The following CELSR3 variants were observed in gnomAD, a reference collection of about 807,000 sequenced individuals.
CELSR3 encodes the protein cadherin EGF LAG seven-pass G-type receptor 3.
CELSR3 carries 73 observed loss-of-function variants against 270.0 expected under a neutral mutation model. The observed-to-expected ratio is 0.27, with a 90% CI of 0.22 to 0.33. The LOEUF is 0.33. Among genes scored for constraint, CELSR3 ranks in the 10% least tolerant of loss-of-function variants. The pLI, the probability that CELSR3 is intolerant of heterozygous loss-of-function variation, is 1.00. For synonymous variants in CELSR3, 1,780 were observed against 1,905.4 expected, an observed-to-expected ratio of 0.93 and a Z score of 1.71; for missense variants, 3,614 against 4,533.8, an observed-to-expected ratio of 0.80 and a Z score of 5.83.
rs1305308833 is a variant in CELSR3, at chr3:48,654,642, T to C, written c.4989-190A>G. The stretch of plus-strand genomic sequence containing the variant: ...CAAAGGGGCACCCGTGATGGGCCGA[T>C]GGTCTGGGGAAAGGTAGGTGAATGG... On this transcript the variant is annotated intron_variant, in intron 6 of 34. Transcript: ENST00000164024. The surrounding 1 kb of genome is among the most constrained non-coding windows in gnomAD (Gnocchi z 5.4). Among the ~76,000 whole-genome samples the C allele has an allele frequency of 2.0e-5, 3 of 151,082 alleles. No homozygotes were observed. Among genetic ancestry groups the C allele is most frequent in the East Asian group, 1.9e-4 (1 of 5,172 alleles).
intron 28 of CELSR3, 45 bp downstream of exon 28, chr3:48,643,509 G>A: frequency 6.5e-7 from 1 of 1,540,036 alleles, no homozygotes; most frequent in Non-Finnish European, 8.8e-7. Context: ...CCAGCCTACT[G>A]AAGGCCCACC....
chr3:48,640,036 G>A lies in CELSR3; in HGVS notation c.9549C>T (p.Asp3183=), dbSNP rs377412447. 12 of 1,611,210 alleles carry A rather than the reference G, an allele frequency of 7.4e-6. No individual in the cohort carries two copies. The African/African-American group carries it at 1.2e-4, about 16-fold the overall frequency. ...PLSPQRQLSR[D]PLLPSRPLDS... ...CCAGCGGCCGGGATGGCAAGAGGGG[G>A]TCCCTTGAGAGTTGCCGCTGGGGAG... The change falls in exon 34 of 35, where the codon GAC becomes GAT. Residue 3183 remains aspartate (D), a synonymous_variant. Coordinates refer to ENST00000164024, the MANE Select transcript of CELSR3 (RefSeq NM_001407.3). This position sits in a 1 kb window ranked among gnomAD's most constrained non-coding sequence, Gnocchi z 7.5.
Position 48,638,110 on chromosome 3 carries a change from G to T in CELSR3, c.*95C>A. The T allele has an allele frequency of 2.7e-6, 3 of 1,106,276 alleles. No individual in the cohort carries two copies. The highest frequency in any genetic ancestry group is 2.8e-6 in the Non-Finnish European group (2 of 723,140). 68.5% of individuals were successfully genotyped at this position (1,106,276 alleles called of 1,614,324 possible). On this transcript the variant is annotated 3_prime_UTR_variant, in exon 35 of 35. Coordinates refer to ENST00000164024, the MANE Select transcript of CELSR3 (RefSeq NM_001407.3). The stretch of plus-strand genomic sequence containing the variant: ...GGGCACCCACCACTGGGGAGCAGGA[G>T]GCTGCCTTGGGATCTGCCCCCACTC...
intron 28 of CELSR3, 155 bp from the exon 29 acceptor site, chr3:48,643,238 C>A: frequency 1.6e-6 from 1 of 640,308 alleles, no homozygotes; most frequent in Non-Finnish European, 2.7e-6. Flanking sequence ...GGAAGGTCAG[C>A]AGGGGAGAGG....
Position 48,644,650 on chromosome 3 carries a change from CCACTG to C in CELSR3, c.8085+61_8085+65del. ...GCCACCTGACCGCCCTCAGCTGAGT[CCACTG>C]CACCTCCTCCCCCAATGAGGGAGGG... On this transcript the variant is annotated intron_variant, in intron 26 of 34. Transcript: ENST00000164024. The surrounding 1 kb of genome is among the most constrained non-coding windows in gnomAD (Gnocchi z 4.8). The C allele has an allele frequency of 5.3e-6, 7 of 1,320,028 alleles. No homozygotes were observed. The South Asian group carries it at 8.4e-5, about 16-fold the overall frequency. 81.8% of individuals were successfully genotyped at this position (1,320,028 alleles called of 1,614,324 possible). A position where few individuals can be genotyped will look rare whatever the true frequency, so the allele number is the denominator to read the frequency against.
At chr3:48,648,238 G>GGCCCCCCCCCC in intron 19 of CELSR3, 28 bp downstream of exon 19, 4 of 1,342,620 alleles carry the variant, frequency 3.0e-6, no homozygotes, top group Non-Finnish European at 4.2e-6. Flanking sequence ...CCCCTGCTGT[G>GGCCCCCCCCCC]CCCCGCCCTA....
Position 48,641,076 on chromosome 3 carries a change from G to A in CELSR3, c.9025+248C>T, listed in dbSNP as rs1488399206. On this transcript the variant is annotated intron_variant, in intron 33 of 34. Transcript: ENST00000164024. The surrounding 1 kb of genome is among the most constrained non-coding windows in gnomAD (Gnocchi z 4.8). ...CTCCTAGGGTCTCTGAAAAACAGAT[G>A]GGCTGGGGCAGGAGTGGTCGCCTGT... is the stretch of plus-strand genomic sequence containing the variant. The A allele has an allele frequency of 1.1e-5, 6 of 523,514 alleles. No individual in the cohort carries two copies. Among genetic ancestry groups the A allele is most frequent in the African/African-American group, 7.7e-5 (4 of 51,728 alleles). The allele number at this position is 523,514 out of a possible 1,614,324, so 32.4% of individuals were successfully genotyped here.
Position 48,653,838 on chromosome 3 carries a change from C to A in CELSR3, c.5278+40G>T. 2 of 1,612,268 alleles carry A rather than the reference C, an allele frequency of 1.2e-6. No individual in the cohort carries two copies. Among genetic ancestry groups the A allele is most frequent in the Non-Finnish European group, 1.7e-6 (2 of 1,178,516 alleles). ...TACAGCCCCTGCCCCAGGAACAGATCTGACCCTGCAGGCCCCTCTGCCCCA... is the reference window on the plus strand; with the variant it reads ...TACAGCCCCTGCCCCAGGAACAGATATGACCCTGCAGGCCCCTCTGCCCCA... On this transcript the variant is annotated intron_variant, in intron 8 of 34. Transcript: ENST00000164024. The surrounding 1 kb of genome is among the most constrained non-coding windows in gnomAD (Gnocchi z 6.5).
chr3:48,656,311 C>A lies in CELSR3; in HGVS notation c.4454G>T (p.Arg1485Leu). 1 of 1,486,848 alleles carries A rather than the reference C, an allele frequency of 6.7e-7. No individual in the cohort carries two copies. The highest frequency in any genetic ancestry group is 1.3e-5 in the South Asian group (1 of 76,894). The allele number at this position is 1,486,848 out of a possible 1,614,324, so 92.1% of individuals were successfully genotyped here. A position where few individuals can be genotyped will look rare whatever the true frequency, so the allele number is the denominator to read the frequency against. Reference sequence around the variant, plus strand: ...CGCGTCGGTGCAGGTGCCCCCGTTGCGGCAGACGCCCGGCACGCAGCGGCC... The same window carrying A: ...CGCGTCGGTGCAGGTGCCCCCGTTGAGGCAGACGCCCGGCACGCAGCGGCC... Reference protein sequence around the residue: ...EAGRCVPGVCRNGGTCTDAPN... With the variant: ...EAGRCVPGVCLNGGTCTDAPN... Residue 1485 changes from arginine (R) to leucine (L), a missense_variant, in exon 3 of 35, where the codon CGC becomes CTC. This residue lies in a region of CELSR3 where 1,331 missense variants were observed against 1,933.7 expected (regional missense o/e 0.69). Transcript: ENST00000164024.
Position 48,646,665 on chromosome 3 carries a change from C to T in CELSR3, c.7295+98G>A. ...GGATGGGGCTCCCTGGAGCTGTGCT[C>T]CTCTCTGTGTGTTGTGAACCTACGC... On this transcript the variant is annotated intron_variant, in intron 21 of 34. Transcript: ENST00000164024. The surrounding 1 kb of genome is among the most constrained non-coding windows in gnomAD (Gnocchi z 4.8). The T allele has an allele frequency of 7.2e-6, 9 of 1,252,256 alleles. No homozygotes were observed. In the South Asian group the frequency reaches 1.3e-4, roughly 18 times the overall value. 77.6% of individuals were successfully genotyped at this position (1,252,256 alleles called of 1,614,324 possible).
intron 19 of CELSR3, 130 bp from the exon 20 acceptor site, chr3:48,648,126 T>C (rs895094569): frequency 6.9e-7 from 1 of 1,440,472 alleles, no homozygotes; most frequent in African/African-American, 1.4e-5. Flanking sequence ...TCGGAGCCTG[T>C]CCCTACAAAA....
rs1485582590 is a variant in CELSR3, at chr3:48,656,446, G to A, written c.4400-81C>T. The A allele has an allele frequency of 4.6e-6, 6 of 1,295,224 alleles. No homozygotes were observed. The East Asian group carries it at 1.5e-4, about 32-fold the overall frequency. 80.2% of individuals were successfully genotyped at this position (1,295,224 alleles called of 1,614,324 possible). ...CCCCTTCAAAGACCGCGCGCCCAGAGGCCGGGTGCCAAGACCCCCGAAAGG... is the reference window on the plus strand; with the variant it reads ...CCCCTTCAAAGACCGCGCGCCCAGAAGCCGGGTGCCAAGACCCCCGAAAGG... On this transcript the variant is annotated intron_variant, in intron 2 of 34. Coordinates refer to ENST00000164024, the MANE Select transcript of CELSR3 (RefSeq NM_001407.3).
In CELSR3 at chr3:48,642,021, A is replaced by C. The variant is rs1200253773; in HGVS notation, c.8666-12T>G. 1 of 1,521,520 alleles carries C rather than the reference A, an allele frequency of 6.6e-7. No homozygotes were observed. The highest frequency in any genetic ancestry group is 1.3e-5 in the South Asian group (1 of 76,982). 94.3% of individuals were successfully genotyped at this position (1,521,520 alleles called of 1,614,324 possible). A position where few individuals can be genotyped will look rare whatever the true frequency, so the allele number is the denominator to read the frequency against. On this transcript the variant is annotated splice_polypyrimidine_tract_variant and intron_variant, in intron 31 of 34. Transcript: ENST00000164024. The surrounding 1 kb of genome is among the most constrained non-coding windows in gnomAD (Gnocchi z 6.1). ...GTCGGAGTCTGCGCCTGGAGTTGGGAAAGTCAGAAGTACTTTCAGAGGTAA... is the reference window on the plus strand; with the variant it reads ...GTCGGAGTCTGCGCCTGGAGTTGGGCAAGTCAGAAGTACTTTCAGAGGTAA...
At chr3:48,647,705 G>T in intron 20 of CELSR3, 136 bp downstream of exon 20, 2 of 783,700 alleles carry the variant, frequency 2.6e-6, no homozygotes, top group Non-Finnish European at 4.1e-6. Flanking sequence ...ATGGGAGGGA[G>T]GGTGGAGGGG....
rs1164938552 is a variant in CELSR3, at chr3:48,642,354, C to T, written c.8665+4G>A. 5 of 1,611,806 alleles carry T rather than the reference C, an allele frequency of 3.1e-6. No homozygotes were observed. Among genetic ancestry groups the T allele is most frequent in the African/African-American group, 1.3e-5 (1 of 74,872 alleles). On this transcript the variant is annotated splice_donor_region_variant and intron_variant, in intron 31 of 34. Transcript: ENST00000164024. This position sits in a 1 kb window ranked among gnomAD's most constrained non-coding sequence, Gnocchi z 6.1. ...CTCCTCCCTGCCCCAGGCCCCAACT[C>T]CACCAGCATCTCGATGGAACATGGC...
chr3:48,643,683 G>A lies in CELSR3; in HGVS notation c.8166-6C>T, dbSNP rs1487801904. ...GGAAGGAGCTGCGAAGGGTCCTGCT[G>A]TGGGGACATGGGAAGACACAGGAGG... is the stretch of plus-strand genomic sequence containing the variant. On this transcript the variant is annotated splice_region_variant and splice_polypyrimidine_tract_variant and intron_variant, in intron 27 of 34. Transcript: ENST00000164024. The A allele has an allele frequency of 6.4e-7, 1 of 1,552,414 alleles. No homozygotes were observed. Among genetic ancestry groups the A allele is most frequent in the South Asian group, 1.2e-5 (1 of 84,114 alleles).
chr3:48,644,201 A>G lies in CELSR3; in HGVS notation c.8165+15T>C, dbSNP rs377721296. On this transcript the variant is annotated intron_variant, in intron 27 of 34. Transcript: ENST00000164024. This position sits in a 1 kb window ranked among gnomAD's most constrained non-coding sequence, Gnocchi z 4.8. The stretch of plus-strand genomic sequence containing the variant: ...CCATCCTGAGAAGCCCCCTTCCTCC[A>G]GCCAGCCAACTCACAGTGCAGAGGT... 10 of 1,600,252 alleles carry G rather than the reference A, an allele frequency of 6.2e-6. No individual in the cohort carries two copies. The African/African-American group carries it at 9.4e-5, about 15-fold the overall frequency.
At chr3:48,643,420 G>T in intron 28 of CELSR3, 134 bp downstream of exon 28, 2 of 1,249,296 alleles carry the variant, frequency 1.6e-6, no homozygotes, top group African/African-American at 1.5e-5. Context: ...TGTCTGGTCT[G>T]GGGTAGTACC....
chr3:48,651,821 C>A lies in CELSR3; in HGVS notation c.5923+56G>T. On this transcript the variant is annotated intron_variant, in intron 12 of 34. Coordinates refer to ENST00000164024, the MANE Select transcript of CELSR3 (RefSeq NM_001407.3). The surrounding 1 kb of genome is among the most constrained non-coding windows in gnomAD (Gnocchi z 7.4). ...CTCCTTCAGGTTCCCCAGTCTTCAT[C>A]ATGGGCCCCTAACGCCTGCCCAGGT... The A allele has an allele frequency of 1.3e-6, 2 of 1,557,052 alleles. No individual in the cohort carries two copies. Among genetic ancestry groups the A allele is most frequent in the Admixed American group, 2.0e-5 (1 of 49,986 alleles).
Sources: gnomAD v4.1 joint callset for allele counts (sites outside exome capture counted in the v4.1 genomes callset) on GRCh38, gnomAD v4.1.1 for gene constraint, gnomAD v4.1.1 regional missense constraint, Gnocchi (gnomAD v3.1) non-coding constraint, MANE v1.5 for transcripts, NCBI Gene and HGNC (gene_info 2026-07-23, HGNC 2026-07-21) for gene names.